The following FER variants were observed in gnomAD, a reference collection of about 807,000 sequenced individuals.
FER encodes FER tyrosine kinase.
In FER, 63 loss-of-function variants were observed where a neutral mutation model predicts 111.0. The ratio of observed to expected loss-of-function variants is 0.57; its 90% confidence interval spans 0.46 to 0.70. The LOEUF (loss-of-function observed/expected upper bound fraction) is 0.70. Among genes scored for constraint, FER ranks in the 30% least tolerant of loss-of-function variants. The pLI is 0.00. For synonymous variants in FER, 327 were observed against 313.9 expected, an observed-to-expected ratio of 1.04 and a Z score of -0.44; for missense variants, 914 against 954.0, an observed-to-expected ratio of 0.96 and a Z score of 0.55.
chr5:108,932,053 G>T (rs866343741), intron 10 of FER, among the ~76,000 whole-genome samples: 50 of 151,458 alleles, frequency 3.3e-4, no homozygotes, highest in African/African-American at 1.2e-3. Context: ...TTTAAGTTCT[G>T]GGATACATGT....
intron 14 of FER, among the ~76,000 whole-genome samples, chr5:109,038,194 C>T (rs1459648590): frequency 2.0e-5 from 3 of 151,668 alleles, no homozygotes; most frequent in African/African-American, 4.8e-5. Flanking sequence ...AATTGAGTTC[C>T]AATGAATAAG....
chr5:109,076,677 A>T (rs35394710), intron 16 of FER, among the ~76,000 whole-genome samples: 16,148 of 152,148 alleles, frequency 0.11, 881 homozygotes, highest in Non-Finnish European at 0.13. Flanking sequence ...GGCTCATGTG[A>T]TTCACCTGCC....
intron 1 of FER, among the ~76,000 whole-genome samples, chr5:108,762,560 T>C (rs1032497517): frequency 6.6e-6 from 1 of 152,214 alleles, no homozygotes; most frequent in Non-Finnish European, 1.5e-5. Context: ...TTCAGGGGTT[T>C]CCCACATAAA....
At position 108,798,245 on chromosome 5, in the gene FER, A is replaced by G. The variant is rs1756261255; in HGVS notation, c.63A>G (p.Glu21=). The G allele has an allele frequency of 1.9e-6, 3 of 1,614,016 alleles. No homozygotes were observed. The highest frequency in any genetic ancestry group is 1.1e-5 in the South Asian group (1 of 91,088). Residue 21 remains glutamate (E), a synonymous_variant, in exon 3 of 20, where the codon GAA becomes GAG. Coordinates refer to ENST00000281092, the MANE Select transcript of FER (RefSeq NM_005246.4). ...CAGTGTTAAAATTGCAAGACTGGGA[A>G]TTACGGTTACTGGAAACAGTAAAGA... The part of the protein sequence containing the change: ...HEAVLKLQDW[E]LRLLETVKKF...
intron 17 of FER, among the ~76,000 whole-genome samples, chr5:109,111,596 T>A (rs1381213600): frequency 6.6e-6 from 1 of 152,158 alleles, no homozygotes; most frequent in African/African-American, 2.4e-5. Context: ...AGACTGATAA[T>A]TTATGAAGAA....
intron 13 of FER, among the ~76,000 whole-genome samples, chr5:109,009,194 C>G (rs1321596115): frequency 2.6e-5 from 4 of 151,742 alleles, no homozygotes; most frequent in African/African-American, 7.3e-5. Context: ...CACCACCATG[C>G]CTGGCTAATT....
rs142402119 is a variant in FER at position 108,872,698 on chromosome 5, T to G, written c.923+486T>G. Among the ~76,000 whole-genome samples, 151 of 152,274 alleles carry G rather than the reference T, an allele frequency of 9.9e-4. 2 individuals carry two copies. In the East Asian group the frequency reaches 0.028, roughly 29 times the overall value. On this transcript the variant is annotated intron_variant, in intron 8 of 19. Coordinates refer to ENST00000281092, the MANE Select transcript of FER (RefSeq NM_005246.4). Reference sequence around the variant, plus strand: ...TCCTTCTTCACTTTGTTGTTTTTGTTGTGTAAAATATTAAAGGAATTTTGA... The same window carrying G: ...TCCTTCTTCACTTTGTTGTTTTTGTGGTGTAAAATATTAAAGGAATTTTGA...
chr5:109,043,323 G>A (rs978868454), intron 14 of FER, among the ~76,000 whole-genome samples: 1 of 152,106 alleles, frequency 6.6e-6, no homozygotes, highest in African/African-American at 2.4e-5. Context: ...GTGGGTAAAA[G>A]ACAATCTCTT....
At chr5:108,871,304 T>C in intron 6 of FER, 61 bp from the exon 7 acceptor site, 2 of 1,375,884 alleles carry the variant, frequency 1.5e-6, no homozygotes, top group South Asian at 1.3e-5. Context: ...GAATCCTTTT[T>C]GAGATAGTAT....
chr5:108,835,334 A>G (rs1760540198), intron 4 of FER, among the ~76,000 whole-genome samples: 2 of 151,776 alleles, frequency 1.3e-5, no homozygotes, highest in African/African-American at 4.8e-5. Flanking sequence ...GGCATGCGCC[A>G]CCATAGCCTG....
intron 5 of FER, among the ~76,000 whole-genome samples, chr5:108,862,515 T>C (rs181184773): frequency 9.2e-5 from 14 of 152,196 alleles, no homozygotes; most frequent in African/African-American, 3.4e-4. Flanking sequence ...GACTAAAAAA[T>C]TCAGGGAATT....
At chr5:108,774,060 A>AC (rs1434883774) in intron 2 of FER, among the ~76,000 whole-genome samples, 4 of 142,918 alleles carry the variant, frequency 2.8e-5, no homozygotes, top group Non-Finnish European at 6.1e-5. Context: ...TCACCTCCTC[A>AC]CCCCCCAACA....
chr5:108,839,206 T>A (rs1379772176), intron 5 of FER, among the ~76,000 whole-genome samples: 1 of 152,110 alleles, frequency 6.6e-6, no homozygotes, highest in Non-Finnish European at 1.5e-5. Flanking sequence ...TGCAAATGCC[T>A]CTAAATGTTC....
intron 10 of FER, among the ~76,000 whole-genome samples, chr5:108,906,944 T>A (rs1246405334): frequency 6.6e-6 from 1 of 152,184 alleles, no homozygotes; most frequent in East Asian, 1.9e-4. Flanking sequence ...GTTCAAAGTC[T>A]ATCTTTCTAA....
chr5:108,937,804 A>G (rs1319278755), intron 10 of FER, among the ~76,000 whole-genome samples: 1 of 151,776 alleles, frequency 6.6e-6, no homozygotes, highest in South Asian at 2.1e-4. Flanking sequence ...TGGTGTAGTT[A>G]TGGGGTGACA....
chr5:108,871,361 T>C lies in FER; in HGVS notation c.666-4T>C, dbSNP rs758336177. On this transcript the variant is annotated splice_polypyrimidine_tract_variant and splice_region_variant and intron_variant, in intron 6 of 19. Transcript: ENST00000281092. ...ATGCTGCAAAATTTTATTTTTGTTT[T>C]CAGCAAAGGTATATTTGATGAATAC... 5.0e-6 allele frequency: 8 copies of C among 1,599,178 alleles called. No individual in the cohort carries two copies. In the Admixed American group the frequency reaches 7.1e-5, roughly 14 times the overall value.
chr5:108,830,344 C>T (rs968638765), intron 3 of FER, among the ~76,000 whole-genome samples: 1 of 152,072 alleles, frequency 6.6e-6, no homozygotes, highest in Non-Finnish European at 1.5e-5. Flanking sequence ...GTCTCAGCTA[C>T]TTGGGAGGCT....
chr5:108,804,603 T>C (rs1158530407), intron 3 of FER, among the ~76,000 whole-genome samples: 1 of 152,218 alleles, frequency 6.6e-6, no homozygotes, highest in Non-Finnish European at 1.5e-5. Flanking sequence ...TATATGGTTT[T>C]GTTTCTGATT....
intron 5 of FER, among the ~76,000 whole-genome samples, chr5:108,844,061 T>TGTGTGTGAACACATATGTGTGTGAAC (rs1561500033): frequency 8.9e-5 from 8 of 89,986 alleles, no homozygotes; most frequent in Non-Finnish European, 2.0e-4. Flanking sequence ...TGTGTGAACA[T>TGTGTGTGAACACATATGTGTGTGAAC]ATATATGTGT....
Sources: gnomAD v4.1 joint callset for allele counts (sites outside exome capture counted in the v4.1 genomes callset) on GRCh38, gnomAD v4.1.1 for gene constraint, MANE v1.5 for transcripts, NCBI Gene and HGNC (gene_info 2026-07-23, HGNC 2026-07-21) for gene names.